Variants in KHDRBS2 observed in about 807,000 individuals in gnomAD.
The protein encoded by KHDRBS2 is KH RNA binding domain containing, signal transduction associated 2.
KHDRBS2 carries 26 observed loss-of-function variants against 44.3 expected under a neutral mutation model. That is an observed-to-expected ratio of 0.59 (90% CI 0.43 to 0.81). The LOEUF (loss-of-function observed/expected upper bound fraction) is 0.81. Ranked by LOEUF, KHDRBS2 falls within the 40% of genes least tolerant of loss-of-function variation. The probability of loss-of-function intolerance (pLI) is 0.00; values close to 1 mark genes in which losing one functional copy is unlikely to be tolerated. For synonymous variants in KHDRBS2, 194 were observed against 151.1 expected (o/e 1.28, Z -2.08); for missense variants, 476 against 433.1 (o/e 1.10, Z -0.88).
intron 3 of KHDRBS2, among the ~76,000 whole-genome samples, chr6:62,021,971 T>C (rs202055443): frequency 2.0e-5 from 3 of 149,102 alleles, no homozygotes; most frequent in African/African-American, 4.9e-5. Context: ...TGTACATATA[T>C]ACACACACTA....
At chr6:62,240,682 A>G (rs867920864) in intron 1 of KHDRBS2, among the ~76,000 whole-genome samples, 1,153 of 111,118 alleles carry the variant, frequency 0.01, 8 homozygotes, top group African/African-American at 0.017. Flanking sequence ...GTATATATAT[A>G]TATATATATA....
At chr6:61,705,372 TA>T (rs1322346254) in intron 7 of KHDRBS2, among the ~76,000 whole-genome samples, 1 of 151,730 alleles carries the variant, frequency 6.6e-6, no homozygotes, top group African/African-American at 2.4e-5. Flanking sequence ...AAAATAACCA[TA>T]AAAAATATAT....
chr6:61,571,916 G>C, the KHDRBS2 span, among the ~76,000 whole-genome samples: 1 of 151,790 alleles, frequency 6.6e-6, no homozygotes. Context: ...AGGAATTAGA[G>C]AAACAAAAAG....
chr6:61,808,133 G>T (rs566074081), intron 6 of KHDRBS2, among the ~76,000 whole-genome samples: 1 of 152,040 alleles, frequency 6.6e-6, no homozygotes, highest in Admixed American at 6.6e-5. Context: ...TATTTAAAAT[G>T]ATTTTAAATA....
intron 1 of KHDRBS2, among the ~76,000 whole-genome samples, chr6:62,184,494 C>T (rs1340394303): frequency 1.3e-5 from 2 of 151,554 alleles, no homozygotes; most frequent in African/African-American, 2.4e-5. Flanking sequence ...ATTATAAATA[C>T]ATAAAAGAAA....
chr6:61,749,009 C>CTTTTTTTTTTTTTTTTTTT (rs34423906), intron 6 of KHDRBS2, among the ~76,000 whole-genome samples: 4 of 97,220 alleles, frequency 4.1e-5, no homozygotes, highest in African/African-American at 1.6e-4. Flanking sequence ...TTCTTTCTTT[C>CTTTTTTTTTTTTTTTTTTT]TTTTTTTTTT....
In KHDRBS2 at chr6:62,286,193, C is replaced by A. The variant is rs1473015272; in HGVS notation, c.-245G>T. On this transcript the variant is annotated 5_prime_UTR_variant, in exon 1 of 9. Coordinates refer to ENST00000281156, the MANE Select transcript of KHDRBS2 (RefSeq NM_152688.4). Reference sequence around the variant, plus strand: ...GCTCGCGCAGAGCCCCGGCTCACACCAGCGGCCTTAACTGGAGAGGCGGGA... The same window carrying A: ...GCTCGCGCAGAGCCCCGGCTCACACAAGCGGCCTTAACTGGAGAGGCGGGA... 1.9e-6 allele frequency: 1 copy of A among 519,518 alleles called. No individual in the cohort carries two copies. The highest frequency in any genetic ancestry group is 3.6e-5 in the East Asian group (1 of 27,502). The allele number at this position is 519,518 out of a possible 1,614,324, so 32.2% of individuals were successfully genotyped here.
At chr6:61,602,633 G>T in the KHDRBS2 span, among the ~76,000 whole-genome samples, 12 of 152,184 alleles carry the variant, frequency 7.9e-5, no homozygotes, top group Admixed American at 7.2e-4. Flanking sequence ...CAAGCTTCAG[G>T]TAACTCTCAC....
intron 4 of KHDRBS2, among the ~76,000 whole-genome samples, chr6:61,955,558 A>G (rs1264872778): frequency 2.3e-5 from 1 of 43,736 alleles, no homozygotes; most frequent in Non-Finnish European, 4.9e-5. Flanking sequence ...ATGTATGTAT[A>G]CATGTGTATA....
intron 6 of KHDRBS2, among the ~76,000 whole-genome samples, chr6:61,883,103 T>A (rs1405801679): frequency 2.0e-5 from 3 of 152,060 alleles, no homozygotes; most frequent in Admixed American, 2.0e-4. Flanking sequence ...TTTTTAGGAA[T>A]ATACCCATAG....
the KHDRBS2 span, among the ~76,000 whole-genome samples, chr6:61,552,748 A>G: frequency 6.6e-6 from 1 of 152,172 alleles, no homozygotes; most frequent in East Asian, 1.9e-4. Context: ...TGCATGTAAC[A>G]AAATAATCAT....
At chr6:61,711,334 T>G (rs1187485527) in intron 7 of KHDRBS2, among the ~76,000 whole-genome samples, 1 of 151,714 alleles carries the variant, frequency 6.6e-6, no homozygotes, top group East Asian at 1.9e-4. Context: ...ATGATAAATA[T>G]AAGATGTGTT....
intron 6 of KHDRBS2, among the ~76,000 whole-genome samples, chr6:61,779,416 T>G (rs2127580738): frequency 6.6e-6 from 1 of 152,198 alleles, no homozygotes; most frequent in Admixed American, 6.5e-5. Flanking sequence ...AACCACTGGA[T>G]TAAGAAAGCT....
the KHDRBS2 span, among the ~76,000 whole-genome samples, chr6:61,567,967 TTCA>T: frequency 6.6e-6 from 1 of 152,128 alleles, no homozygotes; most frequent in Non-Finnish European, 1.5e-5. Context: ...ATTTTGTAGT[TTCA>T]TGTCTTAAAT....
the KHDRBS2 span, among the ~76,000 whole-genome samples, chr6:61,639,133 T>C: frequency 6.6e-6 from 1 of 152,162 alleles, no homozygotes; most frequent in African/African-American, 2.4e-5. Flanking sequence ...AATGAGCTGA[T>C]GCATTTTGCT....
intron 6 of KHDRBS2, among the ~76,000 whole-genome samples, chr6:61,746,933 G>T (rs562058431): frequency 1.3e-5 from 2 of 151,714 alleles, no homozygotes; most frequent in Admixed American, 1.3e-4. Context: ...CCATCAGAGT[G>T]AACAGGCAAC....
At chr6:62,004,218 G>A (rs1778796333) in intron 3 of KHDRBS2, among the ~76,000 whole-genome samples, 1 of 152,058 alleles carries the variant, frequency 6.6e-6, no homozygotes, top group Non-Finnish European at 1.5e-5. Context: ...TCCAGGAGCT[G>A]TTTCTTTTTT....
intron 4 of KHDRBS2, among the ~76,000 whole-genome samples, chr6:61,937,166 T>C (rs1316697968): frequency 2.0e-5 from 3 of 151,976 alleles, no homozygotes; most frequent in Non-Finnish European, 4.4e-5. Context: ...ATGAATATTA[T>C]TCTAAATTGT....
In KHDRBS2 at chr6:62,124,515, T is replaced by C. The variant is rs531137167; in HGVS notation, c.219+52670A>G. 3.9e-5 allele frequency among the ~76,000 whole-genome samples: 6 copies of C among 152,058 alleles called. No homozygotes were observed. The East Asian group carries it at 1.2e-3, about 29-fold the overall frequency. On this transcript the variant is annotated intron_variant, in intron 2 of 8. Coordinates refer to ENST00000281156, the MANE Select transcript of KHDRBS2 (RefSeq NM_152688.4). Reference sequence around the variant, plus strand: ...ATATTTCACTTTTCCTGGAATGTACTCTACTTAATTCAATAGGAACTTGCT... The same window carrying C: ...ATATTTCACTTTTCCTGGAATGTACCCTACTTAATTCAATAGGAACTTGCT...
Sources: allele counts gnomAD v4.1 joint callset (sites outside exome capture counted in the v4.1 genomes callset), GRCh38; gene constraint gnomAD v4.1.1; transcripts MANE v1.5; gene names NCBI Gene and HGNC (gene_info 2026-07-23, HGNC 2026-07-21).